The following PPP3CA variants were observed in gnomAD, a reference collection of about 807,000 sequenced individuals.
PPP3CA encodes protein phosphatase 3 catalytic subunit alpha, also known as CAM-PRP catalytic subunit.
PPP3CA carries 14 observed loss-of-function variants against 66.5 expected under a neutral mutation model. The observed-to-expected ratio is 0.21, with a 90% CI of 0.14 to 0.33. The LOEUF is 0.33. Ranked by LOEUF, PPP3CA falls within the 10% of genes least tolerant of loss-of-function variation. The probability of loss-of-function intolerance (pLI) is 1.00; values close to 1 mark genes in which losing one functional copy is unlikely to be tolerated. For synonymous variants in PPP3CA, 232 were observed against 226.2 expected (o/e 1.03, Z -0.23); for missense variants, 317 against 639.5 (o/e 0.50, Z 5.44).
intron 10 of PPP3CA, among the ~76,000 whole-genome samples, chr4:101,054,258 A>G (rs1310791391): frequency 2.0e-5 from 3 of 152,126 alleles, no homozygotes; most frequent in African/African-American, 7.2e-5. Flanking sequence ...CACAGCACAA[A>G]AAAAGCTCCA....
intron 1 of PPP3CA, among the ~76,000 whole-genome samples, chr4:101,293,890 G>A (rs528234192): frequency 1.7e-4 from 26 of 151,924 alleles, no homozygotes; most frequent in Non-Finnish European, 3.2e-4. Flanking sequence ...TGCTCCATGA[G>A]GGCAGAGACA....
At position 101,106,441 on chromosome 4, in the gene PPP3CA, GAAA is replaced by G. The variant is rs1730710437; in HGVS notation, c.384+2510_384+2512del. ...AGAAAGAAAGAAAGAAAGAAAGAAAGAAAGAAAGAAAGAGAAAAGAAAAGAAAA... is the reference window on the plus strand; with the variant it reads ...AGAAAGAAAGAAAGAAAGAAAGAAAGGAAAGAAAGAGAAAAGAAAAGAAAA... On this transcript the variant is annotated intron_variant, in intron 3 of 13. Transcript: ENST00000394854. Among the ~76,000 whole-genome samples, 8 of 11,304 alleles carry G rather than the reference GAAA, an allele frequency of 7.1e-4. 1 individual carries two copies. Among genetic ancestry groups the G allele is most frequent in the African/African-American group, 2.2e-3 (7 of 3,200 alleles). 7.4% of individuals were successfully genotyped at this position (11,304 alleles called of 152,430 possible).
intron 6 of PPP3CA, among the ~76,000 whole-genome samples, chr4:101,090,898 ATCTGTGT>A: frequency 2.7e-5 from 3 of 111,562 alleles, no homozygotes; most frequent in Non-Finnish European, 5.6e-5. Flanking sequence ...ATACACACAT[ATCTGTGT>A]CTATATTATA....
chr4:101,247,164 G>A (rs1472409671), intron 1 of PPP3CA, among the ~76,000 whole-genome samples: 1 of 150,900 alleles, frequency 6.6e-6, no homozygotes, highest in Non-Finnish European at 1.5e-5. Context: ...TTTCCTTTTC[G>A]TTTTTTCTTT....
intron 1 of PPP3CA, among the ~76,000 whole-genome samples, chr4:101,200,692 C>T (rs1229840526): frequency 1.3e-5 from 2 of 152,036 alleles, no homozygotes; most frequent in Admixed American, 1.3e-4. Flanking sequence ...CCTTTCTCCT[C>T]GATGATGGCT....
intron 1 of PPP3CA, among the ~76,000 whole-genome samples, chr4:101,339,900 T>G (rs958787540): frequency 6.6e-6 from 1 of 152,174 alleles, no homozygotes; most frequent in Admixed American, 6.6e-5. Context: ...TAGAAAGAAC[T>G]GGACATTTTA....
At chr4:101,340,231 C>T (rs989332272) in intron 1 of PPP3CA, among the ~76,000 whole-genome samples, 1 of 152,142 alleles carries the variant, frequency 6.6e-6, no homozygotes, top group African/African-American at 2.4e-5. Context: ...CAGAAGTTCA[C>T]AGACAGGTAG....
At chr4:101,296,218 A>G (rs1728194572) in intron 1 of PPP3CA, among the ~76,000 whole-genome samples, 1 of 152,198 alleles carries the variant, frequency 6.6e-6, no homozygotes, top group South Asian at 2.1e-4. Context: ...AAAATTCAAT[A>G]GATTTAAATT....
chr4:101,275,869 T>TTG (rs1244259682), intron 1 of PPP3CA, among the ~76,000 whole-genome samples: 1 of 142,048 alleles, frequency 7.0e-6, no homozygotes, highest in African/African-American at 2.6e-5. Context: ...TGGTTTTTTT[T>TTG]TTGTTTTTTG....
intron 6 of PPP3CA, among the ~76,000 whole-genome samples, chr4:101,087,587 C>A (rs1008964347): frequency 6.6e-6 from 1 of 152,062 alleles, no homozygotes; most frequent in Non-Finnish European, 1.5e-5. Context: ...TGGTCACTAT[C>A]GGCTTCTTTC....
intron 1 of PPP3CA, chr4:101,330,254 G>A: frequency 2.4e-6 from 1 of 425,340 alleles, no homozygotes; most frequent in Non-Finnish European, 4.6e-6. Context: ...AGAATTAAAA[G>A]TGAATCCTGA....
intron 1 of PPP3CA, among the ~76,000 whole-genome samples, chr4:101,346,410 G>A (rs1729995774): frequency 1.3e-5 from 2 of 151,996 alleles, no homozygotes; most frequent in African/African-American, 2.4e-5. Context: ...TGTCACAGCA[G>A]CTACACCCTA....
At chr4:101,191,480 G>A (rs1334275504) in intron 2 of PPP3CA, among the ~76,000 whole-genome samples, 3 of 152,160 alleles carry the variant, frequency 2.0e-5, no homozygotes. Flanking sequence ...GAAATGTGCT[G>A]ACTTGCCAGC....
chr4:101,134,756 T>C (rs1357182037), intron 2 of PPP3CA, among the ~76,000 whole-genome samples: 1 of 152,150 alleles, frequency 6.6e-6, no homozygotes, highest in African/African-American at 2.4e-5. Flanking sequence ...AATAAATCAT[T>C]CTACTATAAA....
intron 8 of PPP3CA, among the ~76,000 whole-genome samples, chr4:101,073,250 T>TATA (rs1729000054): frequency 6.9e-6 from 1 of 144,394 alleles, no homozygotes; most frequent in Admixed American, 6.9e-5. Flanking sequence ...TGTGTGTGTG[T>TATA]GTGTATAGTG....
intron 1 of PPP3CA, among the ~76,000 whole-genome samples, chr4:101,271,232 C>A (rs970047351): frequency 6.6e-6 from 1 of 152,114 alleles, no homozygotes; most frequent in African/African-American, 2.4e-5. Flanking sequence ...ACAATAAACT[C>A]ATGACACATA....
intron 1 of PPP3CA, among the ~76,000 whole-genome samples, chr4:101,226,637 T>G (rs1725791183): frequency 6.6e-6 from 1 of 151,724 alleles, no homozygotes; most frequent in East Asian, 1.9e-4. Context: ...CTATGGCTAC[T>G]GGGAAGTCCT....
At chr4:101,254,183 T>C (rs1233710078) in intron 1 of PPP3CA, among the ~76,000 whole-genome samples, 1 of 152,022 alleles carries the variant, frequency 6.6e-6, no homozygotes, top group Non-Finnish European at 1.5e-5. Context: ...ACTAAATGTA[T>C]TGGTTTACGT....
In PPP3CA at chr4:101,182,265, T is replaced by C. The variant is rs544911509; in HGVS notation, c.259+13651A>G. Among the ~76,000 whole-genome samples, 16 of 152,272 alleles carry C rather than the reference T, an allele frequency of 1.1e-4. No individual in the cohort carries two copies. The South Asian group carries it at 2.3e-3, about 22-fold the overall frequency. On this transcript the variant is annotated intron_variant, in intron 2 of 13. Transcript: ENST00000394854. ...TTCAAGAAGTTTTAGATACAGTTAT[T>C]TCCCTCAAGGAATTTTCAGGATAGC... is the stretch of plus-strand genomic sequence containing the variant.
Sources: allele counts gnomAD v4.1 joint callset (sites outside exome capture counted in the v4.1 genomes callset), GRCh38; gene constraint gnomAD v4.1.1; transcripts MANE v1.5; gene names NCBI Gene and HGNC (gene_info 2026-07-23, HGNC 2026-07-21).